CUX2: variants seen among roughly 807,000 people sequenced by gnomAD.
The protein encoded by CUX2 is cut like homeobox 2.
Under a neutral mutation model 144.8 loss-of-function variants are expected in CUX2, and 40 were observed. The observed-to-expected ratio is 0.28, with a 90% CI of 0.21 to 0.36. CUX2 has a LOEUF of 0.36. Among genes scored for constraint, CUX2 ranks in the 10% least tolerant of loss-of-function variants. CUX2 has a pLI of 1.00. For missense variants in CUX2, 1,615 were observed against 1,994.0 expected, an observed-to-expected ratio of 0.81 and a Z score of 3.62; for synonymous variants, 827 against 875.6, an observed-to-expected ratio of 0.94 and a Z score of 0.98.
intron 3 of CUX2, among the ~76,000 whole-genome samples, chr12:111,248,473 G>C (rs1016826529): frequency 3.3e-5 from 5 of 152,198 alleles, no homozygotes; most frequent in African/African-American, 1.2e-4. Flanking sequence ...CCAGCCATAG[G>C]GGGAGGAGGT....
intron 14 of CUX2, among the ~76,000 whole-genome samples, chr12:111,309,147 C>T (rs1273920821): frequency 6.6e-6 from 1 of 152,136 alleles, no homozygotes; most frequent in African/African-American, 2.4e-5. Context: ...TCAGGTGATC[C>T]GCCTGCCTCA....
chr12:111,320,542 G>A lies in CUX2; in HGVS notation c.2533G>A (p.Glu845Lys), dbSNP rs866261779. The A allele has an allele frequency of 6.5e-7, 1 of 1,549,104 alleles. No homozygotes were observed. Residue 845 changes from glutamate (E) to lysine (K), a missense_variant, in exon 17 of 22, where the codon GAA becomes AAA. Glu to Lys is a moderately conservative substitution (Grantham distance 56, BLOSUM62 1). This residue lies in a region of CUX2 where 390 missense variants were observed against 387.1 expected (regional missense o/e 1.01). Coordinates refer to ENST00000261726, the MANE Select transcript of CUX2 (RefSeq NM_015267.4). The surrounding 1 kb of genome is among the most constrained non-coding windows in gnomAD (Gnocchi z 8.1). ...CGAGGCGGCGGCAGGGGCGGAGGAC[G>A]AACCCCCCAGGACGGGCGAGCTCAA... The part of the protein sequence containing the change: ...EDEAAAGAED[E>K]PPRTGELKAE...
At chr12:111,306,325 G>GT in intron 10 of CUX2, among the ~76,000 whole-genome samples, 1 of 117,666 alleles carries the variant, frequency 8.5e-6, no homozygotes, top group African/African-American at 5.4e-5. Flanking sequence ...TTGTTTGTTT[G>GT]GTTTTTTTTT....
At chr12:111,336,751 AC>A (rs1888372257) in intron 19 of CUX2, among the ~76,000 whole-genome samples, 1 of 151,942 alleles carries the variant, frequency 6.6e-6, no homozygotes, top group African/African-American at 2.4e-5. Context: ...CCCAGCCCAC[AC>A]TTCAGTTTTT....
chr12:111,305,795 A>T (rs1886549001), intron 10 of CUX2, among the ~76,000 whole-genome samples: 1 of 152,160 alleles, frequency 6.6e-6, no homozygotes, highest in South Asian at 2.1e-4. Flanking sequence ...GTTTTTGCTC[A>T]TGAGAGCATG....
intron 1 of CUX2, among the ~76,000 whole-genome samples, chr12:111,052,972 C>G (rs527238086): frequency 6.6e-6 from 1 of 152,218 alleles, no homozygotes; most frequent in South Asian, 2.1e-4. Flanking sequence ...CTCCCCCACC[C>G]CCACCTTCAT....
In CUX2 at chr12:111,090,772, T is replaced by C. The variant is rs369961695; in HGVS notation, c.63+56532T>C. Among the ~76,000 whole-genome samples the C allele has an allele frequency of 9.9e-5, 15 of 151,914 alleles. 1 individual carries two copies. Among genetic ancestry groups the C allele is most frequent in the Admixed American group, 9.8e-4 (15 of 15,256 alleles). On this transcript the variant is annotated intron_variant, in intron 1 of 21. Transcript: ENST00000261726. ...GCTCCATCATTTTGTCCGGTGGTTT[T>C]TCAAATGTGCCACCAACCCATCAGC... is the stretch of plus-strand genomic sequence containing the variant.
chr12:111,324,114 G>C (rs1469834303), intron 18 of CUX2, among the ~76,000 whole-genome samples: 1 of 152,068 alleles, frequency 6.6e-6, no homozygotes, highest in African/African-American at 2.4e-5. Flanking sequence ...ACTTTGGGAG[G>C]CCAAGGCGGG....
intron 4 of CUX2, among the ~76,000 whole-genome samples, chr12:111,266,038 G>C (rs1048502494): frequency 1.3e-5 from 2 of 152,202 alleles, no homozygotes; most frequent in African/African-American, 4.8e-5. Flanking sequence ...GTTGGATAGT[G>C]TGGCCTCCAA....
intron 1 of CUX2, among the ~76,000 whole-genome samples, chr12:111,198,157 G>A (rs1880355972): frequency 6.6e-6 from 1 of 152,140 alleles, no homozygotes; most frequent in Non-Finnish European, 1.5e-5. Context: ...AGAGAAACTT[G>A]GTGAGGTGAA....
chr12:111,270,593 G>A (rs1281864925), intron 4 of CUX2: 4 of 151,540 alleles, frequency 2.6e-5, no homozygotes, highest in Non-Finnish European at 4.4e-5. Context: ...CACTAGGTAC[G>A]GACCCAAGCT....
At chr12:111,215,958 A>G (rs566634196) in intron 2 of CUX2, among the ~76,000 whole-genome samples, 2 of 152,380 alleles carry the variant, frequency 1.3e-5, no homozygotes, top group African/African-American at 4.8e-5. Flanking sequence ...CATTCCTATT[A>G]TAGTCGTGCC....
At chr12:111,060,227 T>A (rs376726610) in intron 1 of CUX2, among the ~76,000 whole-genome samples, 1 of 152,178 alleles carries the variant, frequency 6.6e-6, no homozygotes, top group African/African-American at 2.4e-5. Flanking sequence ...AATCCCACCA[T>A]GTCATCTCTT....
intron 6 of CUX2, among the ~76,000 whole-genome samples, chr12:111,294,063 C>T (rs1437494299): frequency 6.6e-6 from 1 of 152,196 alleles, no homozygotes; most frequent in Non-Finnish European, 1.5e-5. Context: ...ACAGTTATAG[C>T]CCACTGCAGC....
At chr12:111,233,766 C>T (rs1209973256) in intron 3 of CUX2, among the ~76,000 whole-genome samples, 3 of 152,336 alleles carry the variant, frequency 2.0e-5, no homozygotes, top group Middle Eastern at 3.4e-3. Context: ...AGATCACATA[C>T]TGAGAAGTTG....
At position 111,310,529 on chromosome 12, in the gene CUX2, C is replaced by T; in HGVS notation, c.1747C>T (p.Leu583=). The change falls in exon 15 of 22, where the codon CTG becomes TTG. Residue 583 remains leucine (L), a synonymous_variant. Transcript: ENST00000261726. The surrounding 1 kb of genome is among the most constrained non-coding windows in gnomAD (Gnocchi z 7.9). The stretch of plus-strand genomic sequence containing the variant: ...GGTGTTTGGGCATTACGTGCTGGGG[C>T]TGTCGCAGGGCTCGGTCAGCGAGAT... The part of the protein sequence containing the change: ...QRVFGHYVLG[L]SQGSVSEILA... The T allele has an allele frequency of 6.2e-7, 1 of 1,614,080 alleles. No individual in the cohort carries two copies. The highest frequency in any genetic ancestry group is 8.5e-7 in the Non-Finnish European group (1 of 1,180,016).
At chr12:111,125,431 G>A (rs7297335) in intron 1 of CUX2, among the ~76,000 whole-genome samples, 6,878 of 152,130 alleles carry the variant, frequency 0.045, 520 homozygotes, top group African/African-American at 0.16. Flanking sequence ...TGCCCTCCTC[G>A]GCCTTCCAAA....
At chr12:111,152,769 C>T (rs1200925968) in intron 1 of CUX2, among the ~76,000 whole-genome samples, 1 of 152,194 alleles carries the variant, frequency 6.6e-6, no homozygotes, top group Non-Finnish European at 1.5e-5. Flanking sequence ...CTGCGGGAGC[C>T]TTGGATGTGC....
chr12:111,336,257 C>T (rs908072843), intron 19 of CUX2, among the ~76,000 whole-genome samples: 3 of 152,110 alleles, frequency 2.0e-5, no homozygotes, highest in African/African-American at 7.2e-5. Context: ...GCGGGTGATG[C>T]CCCCCTACCA....
Sources: gnomAD v4.1 joint callset for allele counts (sites outside exome capture counted in the v4.1 genomes callset) on GRCh38, gnomAD v4.1.1 for gene constraint, gnomAD v4.1.1 regional missense constraint, Gnocchi (gnomAD v3.1) non-coding constraint, MANE v1.5 for transcripts, NCBI Gene and HGNC (gene_info 2026-07-23, HGNC 2026-07-21) for gene names.